The following ARAP1 variants were observed in gnomAD, a reference collection of about 807,000 sequenced individuals.
ARAP1 encodes the protein arf-GAP with Rho-GAP domain, ANK repeat and PH domain-containing protein 1.
Under a neutral mutation model 172.2 loss-of-function variants are expected in ARAP1, and 76 were observed. That is an observed-to-expected ratio of 0.44 (90% CI 0.37 to 0.53). The LOEUF is 0.53. Among genes scored for constraint, ARAP1 ranks in the 20% least tolerant of loss-of-function variants. The probability of loss-of-function intolerance (pLI) is 0.00; values close to 1 mark genes in which losing one functional copy is unlikely to be tolerated. For missense variants in ARAP1, 1,686 were observed against 1,977.5 expected, an observed-to-expected ratio of 0.85 and a Z score of 2.80; for synonymous variants, 804 against 803.3, an observed-to-expected ratio of 1.00 and a Z score of -0.01.
chr11:72,711,244 G>A (rs1856999655), intron 8 of ARAP1, 103 bp from the exon 9 acceptor site: 1 of 1,547,176 alleles, frequency 6.5e-7, no homozygotes, highest in African/African-American at 1.4e-5. Context: ...CAGCTGGTTA[G>A]AGACAAGACC....
chr11:72,740,659 G>A (rs1447904356), intron 1 of ARAP1, among the ~76,000 whole-genome samples: 2 of 152,044 alleles, frequency 1.3e-5, no homozygotes, highest in Admixed American at 6.5e-5. Context: ...GACACTCAAA[G>A]CCCCCTCCCT....
rs1443655533 is a variant in ARAP1 at position 72,693,455 on chromosome 11, T to C, written c.3824A>G (p.Asp1275Gly). ...MLLYLASRVG[D>G]TKHGMMKFRE... ...GAACTTCATCATGCCATGCTTGGTGTCACCGACACGGCTGGCTGGGGGGTG... is the reference window on the plus strand; with the variant it reads ...GAACTTCATCATGCCATGCTTGGTGCCACCGACACGGCTGGCTGGGGGGTG... The change falls in exon 29 of 35, where the codon GAC becomes GGC. Residue 1275 changes from aspartate to glycine, a missense_variant. Coordinates refer to ENST00000393609, the MANE Select transcript of ARAP1 (RefSeq NM_001040118.3). This position sits in a 1 kb window ranked among gnomAD's most constrained non-coding sequence, Gnocchi z 4.6. 1 of 1,613,046 alleles carries C rather than the reference T, an allele frequency of 6.2e-7. No homozygotes were observed. Among genetic ancestry groups the C allele is most frequent in the Non-Finnish European group, 8.5e-7 (1 of 1,179,336 alleles).
chr11:72,702,740 G>T (rs569501275), intron 15 of ARAP1, among the ~76,000 whole-genome samples, 165 bp downstream of exon 15: 8 of 152,280 alleles, frequency 5.3e-5, no homozygotes, highest in African/African-American at 1.7e-4. Flanking sequence ...ACATGCATAC[G>T]TAGTACAAAT....
Position 72,704,305 on chromosome 11 carries a change from C to A in ARAP1, c.1839G>T (p.Gly613=). 1.2e-6 allele frequency: 2 copies of A among 1,602,436 alleles called. No homozygotes were observed. Among genetic ancestry groups the A allele is most frequent in the Non-Finnish European group, 1.7e-6 (2 of 1,174,036 alleles). Residue 613 remains glycine, a synonymous_variant, in exon 14 of 35, where the codon GGG becomes GGT. Coordinates refer to ENST00000393609, the MANE Select transcript of ARAP1 (RefSeq NM_001040118.3). ...GCACGTTGGCTGCCCAGAAGCGGTT[C>A]CCAGCGCCATTCCCCAGCTGTAAGA... is the stretch of plus-strand genomic sequence containing the variant. ...ELFLQLGNGA[G]NRFWAANVPP...
rs1341902608 is a variant in ARAP1, at chr11:72,688,412, C to A, written c.4070+43G>T. On this transcript the variant is annotated intron_variant, in intron 31 of 34. Transcript: ENST00000393609. Reference sequence around the variant, plus strand: ...GCCTCCCCCATCAGTTCTGAGCCCCCATAAGCCCCAGTAGCAGGCCTATCT... The same window carrying A: ...GCCTCCCCCATCAGTTCTGAGCCCCAATAAGCCCCAGTAGCAGGCCTATCT... 6 of 1,569,228 alleles carry A rather than the reference C, an allele frequency of 3.8e-6. No individual in the cohort carries two copies. The Admixed American group carries it at 8.8e-5, about 23-fold the overall frequency.
chr11:72,687,218 A>AG, intron 33 of ARAP1: 1 of 607,830 alleles, frequency 1.6e-6, no homozygotes, highest in South Asian at 2.0e-5. Flanking sequence ...CCCCAAGGGC[A>AG]GGGTCTGTGT....
Position 72,696,896 on chromosome 11 carries a change from C to T in ARAP1, c.3166+87G>A, listed in dbSNP as rs77910470. On this transcript the variant is annotated intron_variant, in intron 22 of 34. Coordinates refer to ENST00000393609, the MANE Select transcript of ARAP1 (RefSeq NM_001040118.3). ...CTGGAGCCTGTGGGTTAGGGTAAGC[C>T]TAGTGCAAGTGCCACAAGGGAAGGG... 14,025 of 1,383,108 alleles carry T rather than the reference C, an allele frequency of 0.01. 1,150 individuals carry two copies. In the African/African-American group the frequency reaches 0.18, roughly 18 times the overall value. The allele number at this position is 1,383,108 out of a possible 1,614,324, so 85.7% of individuals were successfully genotyped here.
chr11:72,722,182 GGAGAGA>G, intron 3 of ARAP1: 5 of 956,786 alleles, frequency 5.2e-6, no homozygotes, highest in Non-Finnish European at 6.2e-6. Context: ...AAAGACAGAG[GGAGAGA>G]GAGAGAGAGT....
At chr11:72,732,027 T>C (rs1048263553) in intron 2 of ARAP1, among the ~76,000 whole-genome samples, 1 of 152,108 alleles carries the variant, frequency 6.6e-6, no homozygotes, top group Non-Finnish European at 1.5e-5. Context: ...TATGCAAATA[T>C]AAACACAGAA....
intron 3 of ARAP1, among the ~76,000 whole-genome samples, chr11:72,715,677 CCT>C (rs1421003070): frequency 6.6e-6 from 1 of 151,062 alleles, no homozygotes; most frequent in Non-Finnish European, 1.5e-5. Context: ...TTCAAGTGAT[CCT>C]CTGACTTCAG....
At chr11:72,735,044 A>G (rs985920044) in intron 1 of ARAP1, among the ~76,000 whole-genome samples, 2 of 151,986 alleles carry the variant, frequency 1.3e-5, no homozygotes, top group Non-Finnish European at 2.9e-5. Context: ...GCAGTGGCAC[A>G]ATCTCTGCTC....
rs1032602297 is a variant in ARAP1 at position 72,697,993 on chromosome 11, A to T, written c.2655T>A (p.Ser885=). The change falls in exon 19 of 35, where the codon TCT becomes TCA. Residue 885 remains serine (S), a synonymous_variant. Coordinates refer to ENST00000393609, the MANE Select transcript of ARAP1 (RefSeq NM_001040118.3). ...SLQRAQEGWF[S]LSGSELRAVF... ...CAGCACGGAGCTCCGAGCCACTGAG[A>T]GAGAACCAGCCCTCCTGGGCCCGCT... The T allele has an allele frequency of 3.1e-6, 5 of 1,612,254 alleles. No individual in the cohort carries two copies. The highest frequency in any genetic ancestry group is 2.7e-5 in the African/African-American group (2 of 74,906).
chr11:72,699,173 C>T lies in ARAP1; in HGVS notation c.2439-66G>A. On this transcript the variant is annotated intron_variant, in intron 17 of 34. Transcript: ENST00000393609. This position sits in a 1 kb window ranked among gnomAD's most constrained non-coding sequence, Gnocchi z 4.2. ...GCACGGGCCCACCCCCAACCCGCAC[C>T]ATCAACCGCCATCCTCTGCCCCCTC... is the stretch of plus-strand genomic sequence containing the variant. 6.5e-7 allele frequency: 1 copy of T among 1,532,738 alleles called. No individual in the cohort carries two copies. Among genetic ancestry groups the T allele is most frequent in the Non-Finnish European group, 9.0e-7 (1 of 1,110,236 alleles). 94.9% of individuals were successfully genotyped at this position (1,532,738 alleles called of 1,614,324 possible).
At chr11:72,738,021 G>A (rs949279205) in intron 1 of ARAP1, among the ~76,000 whole-genome samples, 1 of 152,210 alleles carries the variant, frequency 6.6e-6, no homozygotes, top group Non-Finnish European at 1.5e-5. Flanking sequence ...GTCACCTGCT[G>A]GAGCTCACGG....
At chr11:72,690,319 A>C (rs1855885801) in intron 30 of ARAP1, among the ~76,000 whole-genome samples, 2 of 152,148 alleles carry the variant, frequency 1.3e-5, no homozygotes, top group Admixed American at 1.3e-4. Context: ...TTGGGGTCTG[A>C]TGTGCATGAC....
In ARAP1 at chr11:72,685,398, C is replaced by G. The variant is rs2135478543; in HGVS notation, c.*266G>C. 5.4e-6 allele frequency: 3 copies of G among 556,858 alleles called. No individual in the cohort carries two copies. The highest frequency in any genetic ancestry group is 9.6e-6 in the Non-Finnish European group (3 of 311,192). 34.5% of individuals were successfully genotyped at this position (556,858 alleles called of 1,614,324 possible). On this transcript the variant is annotated 3_prime_UTR_variant, in exon 35 of 35. Coordinates refer to ENST00000393609, the MANE Select transcript of ARAP1 (RefSeq NM_001040118.3). ...GCCCATCTCTCCAGCCCCACAAGGACAGTGAACCCGGTGGGGTGAGCAGGT... is the reference window on the plus strand; with the variant it reads ...GCCCATCTCTCCAGCCCCACAAGGAGAGTGAACCCGGTGGGGTGAGCAGGT...
intron 11 of ARAP1, 109 bp downstream of exon 11, chr11:72,709,761 C>G: frequency 8.8e-7 from 1 of 1,139,998 alleles, no homozygotes; most frequent in South Asian, 1.3e-5. Context: ...CAGGGCGGGG[C>G]AGGGTGAGGG....
chr11:72,748,363 T>C (rs1163600073), intron 1 of ARAP1, among the ~76,000 whole-genome samples: 10 of 151,814 alleles, frequency 6.6e-5, no homozygotes, highest in African/African-American at 9.7e-5. Flanking sequence ...CTACTAAAAA[T>C]ACAAAAATTA....
chr11:72,689,712 C>A (rs945215734), intron 30 of ARAP1, among the ~76,000 whole-genome samples: 10 of 152,218 alleles, frequency 6.6e-5, no homozygotes, highest in African/African-American at 1.9e-4. Flanking sequence ...CCGATACCTG[C>A]TGATTGGAAA....
Sources: allele counts gnomAD v4.1 joint callset (sites outside exome capture counted in the v4.1 genomes callset), GRCh38; gene constraint gnomAD v4.1.1; non-coding constraint Gnocchi (gnomAD v3.1); transcripts MANE v1.5; gene names NCBI Gene and HGNC (gene_info 2026-07-23, HGNC 2026-07-21).